The following ATP8B4 variants were observed in gnomAD, a reference collection of about 807,000 sequenced individuals.
ATP8B4 encodes ATPase phospholipid transporting 8B4 (putative), also known as probable phospholipid-transporting ATPase IM.
In ATP8B4, 133 loss-of-function variants were observed where a neutral mutation model predicts 145.6. That is an observed-to-expected ratio of 0.91 (90% CI 0.79 to 1.05). The LOEUF is 1.05. Among genes scored for constraint, ATP8B4 ranks in the 50% least tolerant of loss-of-function variants. ATP8B4 has a pLI of 0.00. For synonymous variants in ATP8B4, 507 were observed against 492.9 expected (o/e 1.03, Z -0.38); for missense variants, 1,458 against 1,425.2 (o/e 1.02, Z -0.37).
intron 24 of ATP8B4, 195 bp from the exon 25 acceptor site, chr15:49,876,718 A>G: frequency 1.2e-6 from 1 of 841,996 alleles, no homozygotes; most frequent in Non-Finnish European, 1.9e-6. Context: ...TCTACTTTAC[A>G]GAGAAGGAGC....
chr15:49,908,680 C>T (rs770592838), intron 20 of ATP8B4, among the ~76,000 whole-genome samples: 2 of 152,116 alleles, frequency 1.3e-5, no homozygotes, highest in African/African-American at 4.8e-5. Flanking sequence ...CCCAGCCCCA[C>T]CAGACTGCAT....
intron 20 of ATP8B4, among the ~76,000 whole-genome samples, chr15:49,901,514 G>C (rs2038029922): frequency 6.6e-6 from 1 of 152,114 alleles, no homozygotes; most frequent in South Asian, 2.1e-4. Flanking sequence ...ATCTTGAGCT[G>C]TGTTTGAACT....
chr15:49,971,680 T>A (rs943729051), intron 13 of ATP8B4, among the ~76,000 whole-genome samples: 3 of 152,168 alleles, frequency 2.0e-5, no homozygotes, highest in Non-Finnish European at 4.4e-5. Context: ...GGTGGGAATG[T>A]GAATTAGTTC....
At chr15:49,958,382 A>G (rs2043771653) in intron 14 of ATP8B4, among the ~76,000 whole-genome samples, 1 of 151,660 alleles carries the variant, frequency 6.6e-6, no homozygotes, top group Non-Finnish European at 1.5e-5. Flanking sequence ...AAGCAAAACA[A>G]AAAACTGTAA....
chr15:50,153,640 A>G (rs1259886824), intron 1 of ATP8B4, among the ~76,000 whole-genome samples: 1 of 81,436 alleles, frequency 1.2e-5, no homozygotes, highest in African/African-American at 4.6e-5. Context: ...CCCAGCCTAG[A>G]CACACCTTAA....
chr15:50,177,646 C>T lies in ATP8B4; in HGVS notation c.-43+4615G>A, dbSNP rs2044783339. Among the ~76,000 whole-genome samples the T allele has an allele frequency of 2.0e-5, 3 of 152,324 alleles. No individual in the cohort carries two copies. The South Asian group carries it at 6.2e-4, about 32-fold the overall frequency. ...TGCAATGAACTCTCCTCAGTAACTT[C>T]TCAGCCACTAGGGCTCTACCGAGTA... On this transcript the variant is annotated intron_variant, in intron 1 of 3. Transcript: ENST00000558829.
intron 1 of ATP8B4, among the ~76,000 whole-genome samples, chr15:50,167,315 G>A (rs1052708522): frequency 6.6e-6 from 1 of 152,198 alleles, no homozygotes; most frequent in Non-Finnish European, 1.5e-5. Flanking sequence ...CAAGGTGTCA[G>A]CAGAGTTGAT....
chr15:50,079,229 A>G (rs77928201), intron 2 of ATP8B4, among the ~76,000 whole-genome samples: 2,482 of 152,314 alleles, frequency 0.016, 61 homozygotes, highest in African/African-American at 0.058. Context: ...CACAAAAATT[A>G]AAATAAAAAA....
At chr15:49,868,655 C>T (rs2033195922) in intron 25 of ATP8B4, among the ~76,000 whole-genome samples, 1 of 151,982 alleles carries the variant, frequency 6.6e-6, no homozygotes, top group African/African-American at 2.4e-5. Flanking sequence ...AAATAATTAA[C>T]ATGTAAGAGT....
At chr15:49,952,501 G>C (rs1373909977) in intron 14 of ATP8B4, among the ~76,000 whole-genome samples, 1 of 152,050 alleles carries the variant, frequency 6.6e-6, no homozygotes, top group African/African-American at 2.4e-5. Context: ...GTTGATACTT[G>C]TGTATATTTC....
At chr15:50,007,254 G>T (rs1400915200) in intron 7 of ATP8B4, among the ~76,000 whole-genome samples, 3 of 152,160 alleles carry the variant, frequency 2.0e-5, no homozygotes, top group African/African-American at 7.2e-5. Context: ...TAGAAGTTAT[G>T]CATCTGCACT....
At chr15:49,861,090 C>T (rs1008197391) in intron 27 of ATP8B4, among the ~76,000 whole-genome samples, 7 of 107,092 alleles carry the variant, frequency 6.5e-5, no homozygotes, top group Admixed American at 6.3e-4. Flanking sequence ...TCTTTCATTT[C>T]CCTGTAAAGC....
intron 3 of ATP8B4, among the ~76,000 whole-genome samples, chr15:50,073,085 G>GTA (rs1242484216): frequency 6.8e-6 from 1 of 146,378 alleles, no homozygotes; most frequent in East Asian, 2.0e-4. Flanking sequence ...ATGTGTGTGT[G>GTA]TATATATATG....
chr15:49,925,591 C>T (rs1299539607), intron 16 of ATP8B4, among the ~76,000 whole-genome samples: 1 of 152,130 alleles, frequency 6.6e-6, no homozygotes, highest in Non-Finnish European at 1.5e-5. Context: ...CCCTTACCAT[C>T]ACTGTATCTT....
chr15:50,085,732 G>A (rs1228564335), intron 2 of ATP8B4, among the ~76,000 whole-genome samples: 1 of 149,820 alleles, frequency 6.7e-6, no homozygotes, highest in Non-Finnish European at 1.5e-5. Context: ...CCCATCAGGA[G>A]TACAAGGAGT....
At chr15:50,024,165 C>T (rs2049828630) in intron 6 of ATP8B4, among the ~76,000 whole-genome samples, 1 of 152,172 alleles carries the variant, frequency 6.6e-6, no homozygotes, top group Non-Finnish European at 1.5e-5. Context: ...CAAGCATTTG[C>T]AGAGCTGAGT....
At chr15:50,129,438 G>A (rs2057329832) in intron 1 of ATP8B4, among the ~76,000 whole-genome samples, 1 of 152,076 alleles carries the variant, frequency 6.6e-6, no homozygotes. Context: ...GCATTCTTTG[G>A]CTTGTAGACC....
At chr15:50,083,354 C>CA (rs10693471) in intron 2 of ATP8B4, among the ~76,000 whole-genome samples, 103,051 of 151,616 alleles carry the variant, frequency 0.68, 35,891 homozygotes, top group African/African-American at 0.85. Context: ...TTATCTATAG[C>CA]AAAAAAAATG....
chr15:50,165,777 G>GA (rs34573900), intron 1 of ATP8B4, among the ~76,000 whole-genome samples: 85,506 of 151,668 alleles, frequency 0.56, 24,781 homozygotes, highest in East Asian at 0.93. Flanking sequence ...AACACAGAAA[G>GA]AAAAAAGCAA....
Sources: allele counts gnomAD v4.1 joint callset (sites outside exome capture counted in the v4.1 genomes callset), GRCh38; gene constraint gnomAD v4.1.1; transcripts MANE v1.5; gene names NCBI Gene and HGNC (gene_info 2026-07-23, HGNC 2026-07-21).